Variants in BDP1 observed in about 807,000 individuals in gnomAD.
BDP1 encodes BDP1 general transcription factor IIIB subunit.
BDP1 carries 169 observed loss-of-function variants against 266.6 expected under a neutral mutation model. That is an observed-to-expected ratio of 0.63 (90% CI 0.56 to 0.72). The LOEUF is 0.72. Ranked by LOEUF, BDP1 falls within the 30% of genes least tolerant of loss-of-function variation. The pLI is 0.00. For missense variants in BDP1, 3,015 were observed against 3,053.8 expected, an observed-to-expected ratio of 0.99 and a Z score of 0.30; for synonymous variants, 1,090 against 1,022.4, an observed-to-expected ratio of 1.07 and a Z score of -1.26.
At chr5:71,573,946 T>C in the BDP1 span, among the ~76,000 whole-genome samples, 6 of 152,214 alleles carry the variant, frequency 3.9e-5, no homozygotes, top group African/African-American at 1.4e-4. Context: ...AGATTCCTCA[T>C]ACCGTGGCTG....
In BDP1 at chr5:71,517,436, A is replaced by G. The variant is rs780153411; in HGVS notation, c.4975A>G (p.Thr1659Ala). The G allele has an allele frequency of 2.5e-6, 4 of 1,585,796 alleles. No homozygotes were observed. In the South Asian group the frequency reaches 4.7e-5, roughly 19 times the overall value. The change falls in exon 22 of 39, where the codon ACA becomes GCA. Residue 1659 changes from threonine (T) to alanine (A), a missense_variant. By Grantham distance (58) the Thr-to-Ala change is moderately conservative. Transcript: ENST00000358731. ...VLVENLHVNK[T>A]NETIRHENKP... is the part of the protein sequence containing the mutation. Reference sequence around the variant, plus strand: ...TGTAGAAAACCTTCATGTTAACAAAACAAATGAAACAATCAGGTGAGTTTG... The same window carrying G: ...TGTAGAAAACCTTCATGTTAACAAAGCAAATGAAACAATCAGGTGAGTTTG...
chr5:71,545,271 A>T lies in BDP1; in HGVS notation c.6744+52A>T, dbSNP rs537100836. 78 of 475,260 alleles carry T rather than the reference A, an allele frequency of 1.6e-4. No homozygotes were observed. The East Asian group carries it at 2.5e-3, about 15-fold the overall frequency. 29.4% of individuals were successfully genotyped at this position (475,260 alleles called of 1,614,324 possible). A position where few individuals can be genotyped will look rare whatever the true frequency, so the allele number is the denominator to read the frequency against. ...GATAGCAAGGTGTTTTCCTCCATTTAAAAAAAAAAAGGTATAATTTACATA... is the reference window on the plus strand; with the variant it reads ...GATAGCAAGGTGTTTTCCTCCATTTTAAAAAAAAAAGGTATAATTTACATA... On this transcript the variant is annotated intron_variant, in intron 32 of 38. Coordinates refer to ENST00000358731, the MANE Select transcript of BDP1 (RefSeq NM_018429.3).
chr5:71,543,023 C>T lies in BDP1; in HGVS notation c.6412+758C>T, dbSNP rs181151852. 7.0e-3 allele frequency among the ~76,000 whole-genome samples: 1,058 copies of T among 152,080 alleles called. 11 individuals are homozygous for T. The highest frequency in any genetic ancestry group is 0.024 in the African/African-American group (1,012 of 41,452). ...CAGACTGGGGCTGGGCACAGTGGCT[C>T]ATGCCTGTAATCCCAGCACTTTGGG... is the stretch of plus-strand genomic sequence containing the variant. On this transcript the variant is annotated intron_variant, in intron 30 of 38. Transcript: ENST00000358731.
At chr5:71,553,461 G>C (rs1475504940) in intron 35 of BDP1, 141 bp downstream of exon 35, 2 of 580,276 alleles carry the variant, frequency 3.4e-6, no homozygotes, top group Non-Finnish European at 2.9e-6. Context: ...ATCATCATAA[G>C]TTATTCAAGT....
intron 7 of BDP1, among the ~76,000 whole-genome samples, chr5:71,480,807 A>G (rs1406210047): frequency 6.6e-6 from 1 of 151,890 alleles, no homozygotes; most frequent in Admixed American, 6.6e-5. Flanking sequence ...CAAGTGATCC[A>G]CTCACCTCAG....
At chr5:71,500,886 G>A (rs1355389042) in intron 13 of BDP1, among the ~76,000 whole-genome samples, 1 of 151,898 alleles carries the variant, frequency 6.6e-6, no homozygotes. Context: ...AATCACCTGA[G>A]CCCAGGAATT....
intron 7 of BDP1, among the ~76,000 whole-genome samples, chr5:71,470,809 C>T (rs1762195250): frequency 6.6e-6 from 1 of 150,816 alleles, no homozygotes; most frequent in Non-Finnish European, 1.5e-5. Flanking sequence ...AGGCTGCTGT[C>T]GAACTCTTGA....
At chr5:71,471,694 G>A (rs1469504520) in intron 7 of BDP1, among the ~76,000 whole-genome samples, 4 of 152,186 alleles carry the variant, frequency 2.6e-5, no homozygotes, top group Non-Finnish European at 4.4e-5. Context: ...CTGGGTTTAA[G>A]TGCATTTGAG....
chr5:71,566,035 A>T lies in BDP1; in HGVS notation c.*1150A>T, dbSNP rs1432049529. On this transcript the variant is annotated 3_prime_UTR_variant, in exon 39 of 39. Coordinates refer to ENST00000358731, the MANE Select transcript of BDP1 (RefSeq NM_018429.3). ...CCTTTTTCTGTTTAATTTTAAAGAT[A>T]TTTAAAATGATATAACTAAAAATGT... 9.1e-6 allele frequency: 2 copies of T among 220,422 alleles called. No homozygotes were observed. Among genetic ancestry groups the T allele is most frequent in the Middle Eastern group, 5.8e-4 (1 of 1,736 alleles). The allele number at this position is 220,422 out of a possible 1,614,324, so 13.7% of individuals were successfully genotyped here. A position where few individuals can be genotyped will look rare whatever the true frequency, so the allele number is the denominator to read the frequency against.
intron 28 of BDP1, among the ~76,000 whole-genome samples, chr5:71,540,621 C>T (rs1766908731): frequency 6.6e-6 from 1 of 152,166 alleles, no homozygotes; most frequent in African/African-American, 2.4e-5. Context: ...AGCCACCGCA[C>T]CCAGCTTCCA....
chr5:71,509,659 C>T lies in BDP1; in HGVS notation c.2567C>T (p.Ser856Leu). The part of the protein sequence containing the change: ...ALRETVRLDT[S>L]PKEMVPAEIN... ...AGAGAAACTGTAAGACTAGACACCT[C>T]ACCAAAGGAGATGGTACCAGCAGAG... is the stretch of plus-strand genomic sequence containing the variant. Residue 856 changes from serine (S) to leucine (L), a missense_variant, in exon 17 of 39, where the codon TCA becomes TTA. By Grantham distance (145) the Ser-to-Leu change is moderately radical. Coordinates refer to ENST00000358731, the MANE Select transcript of BDP1 (RefSeq NM_018429.3). 1 of 1,612,734 alleles carries T rather than the reference C, an allele frequency of 6.2e-7. No homozygotes were observed. The highest frequency in any genetic ancestry group is 1.1e-5 in the South Asian group (1 of 90,806).
chr5:71,498,380 G>A (rs980840572), intron 13 of BDP1, among the ~76,000 whole-genome samples: 5 of 152,110 alleles, frequency 3.3e-5, no homozygotes, highest in Non-Finnish European at 7.4e-5. Flanking sequence ...ATAGGCATGA[G>A]CCAGCTCACC....
intron 26 of BDP1, among the ~76,000 whole-genome samples, chr5:71,535,304 A>G (rs1221410956): frequency 1.3e-5 from 2 of 151,656 alleles, no homozygotes; most frequent in African/African-American, 4.9e-5. Flanking sequence ...TCCCAGTTTC[A>G]AGTGATTCTC....
At chr5:71,479,873 C>T (rs1475535186) in intron 7 of BDP1, among the ~76,000 whole-genome samples, 1 of 151,912 alleles carries the variant, frequency 6.6e-6, no homozygotes, top group East Asian at 1.9e-4. Context: ...TTTCCTATCA[C>T]ATTTTCCTAT....
chr5:71,561,329 A>C (rs1343099413), intron 37 of BDP1, among the ~76,000 whole-genome samples: 1 of 151,118 alleles, frequency 6.6e-6, no homozygotes, highest in African/African-American at 2.4e-5. Flanking sequence ...TGAACCCAGG[A>C]GGCGGAGGGT....
chr5:71,490,723 A>T (rs1030818147), intron 10 of BDP1, among the ~76,000 whole-genome samples: 21 of 152,306 alleles, frequency 1.4e-4, no homozygotes, highest in African/African-American at 4.3e-4. Context: ...TCCCTACTTG[A>T]CATATAAAAT....
At chr5:71,532,928 C>T (rs1480322003) in intron 26 of BDP1, among the ~76,000 whole-genome samples, 1 of 152,196 alleles carries the variant, frequency 6.6e-6, no homozygotes, top group Non-Finnish European at 1.5e-5. Context: ...GCAGTCACTA[C>T]TCCTTTCCTC....
At chr5:71,551,994 C>CGGGGGGCT (rs1291880812) in intron 34 of BDP1, among the ~76,000 whole-genome samples, 2 of 140,144 alleles carry the variant, frequency 1.4e-5, no homozygotes, top group Non-Finnish European at 3.1e-5. Context: ...GCTGGCCTGG[C>CGGGGGGCT]GAGGGCTGAC....
intron 32 of BDP1, among the ~76,000 whole-genome samples, chr5:71,548,349 T>G (rs1176794467): frequency 6.6e-6 from 1 of 152,226 alleles, no homozygotes; most frequent in Non-Finnish European, 1.5e-5. Flanking sequence ...GAAAGCAGTT[T>G]GCCTTCATTC....
Sources: allele counts gnomAD v4.1 joint callset (sites outside exome capture counted in the v4.1 genomes callset), GRCh38; gene constraint gnomAD v4.1.1; transcripts MANE v1.5; gene names NCBI Gene and HGNC (gene_info 2026-07-23, HGNC 2026-07-21).